ITIH5: variants seen among roughly 807,000 people sequenced by gnomAD.
ITIH5 encodes the protein inter-alpha-trypsin inhibitor heavy chain H5.
ITIH5 carries 65 observed loss-of-function variants against 77.5 expected under a neutral mutation model. That is an observed-to-expected ratio of 0.84 (90% CI 0.69 to 1.03). The LOEUF (loss-of-function observed/expected upper bound fraction) is 1.03, where lower values mean the gene tolerates loss of function less well. ITIH5 is among the 50% of genes least tolerant of loss of function. ITIH5 has a pLI of 0.00. For synonymous variants in ITIH5, 525 were observed against 494.3 expected (o/e 1.06, Z -0.82); for missense variants, 1,208 against 1,213.1 (o/e 1.00, Z 0.06).
At chr10:7,622,616 A>G (rs981618007) in intron 5 of ITIH5, 9 of 152,248 alleles carry the variant, frequency 5.9e-5, no homozygotes, top group African/African-American at 2.2e-4. Flanking sequence ...AAAAAACAAT[A>G]TTTTAAAAGG....
chr10:7,650,531 T>C (rs1030773517), intron 2 of ITIH5, among the ~76,000 whole-genome samples: 1 of 152,124 alleles, frequency 6.6e-6, no homozygotes, highest in Non-Finnish European at 1.5e-5. Flanking sequence ...GATCAGGAGT[T>C]TGAGACCAGC....
chr10:7,629,264 T>C (rs1833663227), intron 5 of ITIH5, among the ~76,000 whole-genome samples: 1 of 127,534 alleles, frequency 7.8e-6, no homozygotes, highest in Non-Finnish European at 1.7e-5. Flanking sequence ...TTGTAGCGTG[T>C]GTCCATGTTG....
chr10:7,664,537 A>G (rs1383758175), intron 1 of ITIH5, among the ~76,000 whole-genome samples: 2 of 152,330 alleles, frequency 1.3e-5, no homozygotes, highest in South Asian at 4.1e-4. Flanking sequence ...ACCCCAAGTG[A>G]CTTTTTCCAC....
At chr10:7,580,140 A>G in intron 8 of ITIH5, 76 bp from the exon 9 acceptor site, 1 of 1,290,752 alleles carries the variant, frequency 7.7e-7, no homozygotes, top group South Asian at 1.4e-5. Context: ...CTTTTTTTTG[A>G]GACGGAGTCT....
Position 7,640,862 on chromosome 10 carries a change from T to C in ITIH5, c.300-7A>G. On this transcript the variant is annotated splice_region_variant and splice_polypyrimidine_tract_variant and intron_variant, in intron 3 of 13. Coordinates refer to ENST00000397146, the MANE Select transcript of ITIH5 (RefSeq NM_030569.7). ...CACCTTGTCTCCAATAAGCCTGAAA[T>C]ACAAGAGACAGTTGTGCTACCAGCT... The C allele has an allele frequency of 6.3e-7, 1 of 1,587,286 alleles. No individual in the cohort carries two copies. The highest frequency in any genetic ancestry group is 1.1e-5 in the South Asian group (1 of 90,362).
intron 5 of ITIH5, among the ~76,000 whole-genome samples, chr10:7,627,304 A>G (rs1323749416): frequency 1.1e-5 from 1 of 91,286 alleles, no homozygotes; most frequent in Non-Finnish European, 1.9e-5. Flanking sequence ...AAAGTAAAAG[A>G]AAAAAAAGAA....
At chr10:7,576,250 C>G (rs1227959736) in intron 10 of ITIH5, among the ~76,000 whole-genome samples, 2 of 152,130 alleles carry the variant, frequency 1.3e-5, no homozygotes, top group African/African-American at 2.4e-5. Context: ...TGGTATTGAA[C>G]TCATGGCCTC....
chr10:7,623,802 C>CAAAAAA lies in ITIH5; in HGVS notation c.653-6526_653-6521dup, dbSNP rs55790282. 2.5e-4 allele frequency among the ~76,000 whole-genome samples: 20 copies of CAAAAAA among 80,344 alleles called. 1 individual carries two copies. The highest frequency in any genetic ancestry group is 8.9e-4 in the African/African-American group (18 of 20,228). 52.7% of individuals were successfully genotyped at this position (80,344 alleles called of 152,430 possible). A position where few individuals can be genotyped will look rare whatever the true frequency, so the allele number is the denominator to read the frequency against. The stretch of plus-strand genomic sequence containing the variant: ...TGGGCGACAGAGTAAGACTCCATCT[C>CAAAAAA]AAAAAAAAAAAAAAAAAAAAAATAC... On this transcript the variant is annotated intron_variant, in intron 5 of 13. Transcript: ENST00000397146.
intron 5 of ITIH5, among the ~76,000 whole-genome samples, chr10:7,631,842 A>G (rs1429560946): frequency 7.1e-6 from 1 of 141,294 alleles, no homozygotes; most frequent in Non-Finnish European, 1.5e-5. Flanking sequence ...GCTGGAGTGC[A>G]ATGGCAAAAT....
At chr10:7,604,465 C>T (rs759800477) in intron 7 of ITIH5, among the ~76,000 whole-genome samples, 25 of 152,336 alleles carry the variant, frequency 1.6e-4, no homozygotes, top group South Asian at 8.3e-4. Context: ...TCACACGCTC[C>T]GCGTTTTCCT....
intron 7 of ITIH5, among the ~76,000 whole-genome samples, chr10:7,590,315 A>C (rs1393543416): frequency 1.3e-5 from 2 of 152,152 alleles, no homozygotes; most frequent in Non-Finnish European, 2.9e-5. Flanking sequence ...TATCCCTGTG[A>C]CCATAAACTG....
chr10:7,666,672 A>C (rs949596872), intron 1 of ITIH5, 131 bp downstream of exon 1: 2 of 636,600 alleles, frequency 3.1e-6, no homozygotes, highest in Non-Finnish European at 5.3e-6. Flanking sequence ...ACCCACAGAG[A>C]GGGACCCCTG....
chr10:7,586,576 G>A (rs1832684532), intron 7 of ITIH5, among the ~76,000 whole-genome samples: 1 of 152,206 alleles, frequency 6.6e-6, no homozygotes, highest in African/African-American at 2.4e-5. Context: ...TTACTCGGTT[G>A]TGAGTTCTTT....
rs1176126707 is a variant in ITIH5 at position 7,666,928 on chromosome 10, C to T, written c.-36G>A. ...GGGCGCGGGACGCTCGGGGACCCGG[C>T]GGGACACGCTTTGCAGCGCCCAGGG... On this transcript the variant is annotated 5_prime_UTR_variant, in exon 1 of 14. Transcript: ENST00000397146. 2.6e-6 allele frequency: 4 copies of T among 1,538,880 alleles called. No homozygotes were observed. The highest frequency in any genetic ancestry group is 1.8e-5 in the Admixed American group (1 of 55,424).
chr10:7,563,138 G>A lies in ITIH5; in HGVS notation c.2774C>T (p.Ser925Phe), dbSNP rs10795551. 5.8e-3 allele frequency: 9,418 copies of A among 1,614,064 alleles called. 330 individuals are homozygous for A. In the African/African-American group the frequency reaches 0.092, roughly 16 times the overall value. The change falls in exon 14 of 14, where the codon TCC (serine) becomes TTC (phenylalanine). Residue 925 changes from serine (S) to phenylalanine (F), a missense_variant. Ser to Phe is a radical substitution (Grantham distance 155). Coordinates refer to ENST00000397146, the MANE Select transcript of ITIH5 (RefSeq NM_030569.7). ...IDGEYKDYLA[S>F]HPFDTGMTLG... is the part of the protein sequence containing the mutation. ...TGTCATCCCTGTGTCAAATGGATGG[G>A]ATGCCAGGTAATCCTTGTACTCCCC...
At chr10:7,653,909 C>T (rs1189911221) in intron 2 of ITIH5, among the ~76,000 whole-genome samples, 1 of 152,126 alleles carries the variant, frequency 6.6e-6, no homozygotes, top group Admixed American at 6.5e-5. Flanking sequence ...AATCCCAACA[C>T]TTTGGGAGGC....
At chr10:7,590,437 A>G (rs1832770397) in intron 7 of ITIH5, among the ~76,000 whole-genome samples, 1 of 152,226 alleles carries the variant, frequency 6.6e-6, no homozygotes. Flanking sequence ...CCTAGAGACA[A>G]CCACTACTAA....
intron 4 of ITIH5, among the ~76,000 whole-genome samples, chr10:7,640,475 CA>C (rs201317420): frequency 0.015 from 1,130 of 77,894 alleles, 7 homozygotes; most frequent in African/African-American, 0.04. Context: ...GACCTCATTC[CA>C]AAAAAAAAAA....
In ITIH5 at chr10:7,562,967, C is replaced by G. The variant is rs925907508; in HGVS notation, c.*116G>C. The G allele has an allele frequency of 1.5e-5, 11 of 725,934 alleles. No homozygotes were observed. Among genetic ancestry groups the G allele is most frequent in the African/African-American group, 8.8e-5 (5 of 57,076 alleles). 45.0% of individuals were successfully genotyped at this position (725,934 alleles called of 1,614,324 possible). On this transcript the variant is annotated 3_prime_UTR_variant, in exon 14 of 14. Transcript: ENST00000397146. ...GATCTATGCTGCACCAGGGGTGGGT[C>G]ATGGAGTCCAGCTAATTGCCAGGAG... is the stretch of plus-strand genomic sequence containing the variant.
Sources: allele counts gnomAD v4.1 joint callset (sites outside exome capture counted in the v4.1 genomes callset), GRCh38; gene constraint gnomAD v4.1.1; transcripts MANE v1.5; gene names NCBI Gene and HGNC (gene_info 2026-07-23, HGNC 2026-07-21).